Variants in CYP4Z1 observed in about 807,000 individuals in gnomAD.
The protein encoded by CYP4Z1 is cytochrome P450 4Z1.
In CYP4Z1, 41 loss-of-function variants were observed where a neutral mutation model predicts 54.2. That is an observed-to-expected ratio of 0.76 (90% CI 0.59 to 0.98). CYP4Z1 has a LOEUF of 0.98. CYP4Z1 is among the 50% of genes least tolerant of loss of function. The probability of loss-of-function intolerance (pLI) is 0.00; values close to 1 mark genes in which losing one functional copy is unlikely to be tolerated. For missense variants in CYP4Z1, 513 were observed against 599.0 expected (o/e 0.86, Z 1.50); for synonymous variants, 163 against 206.2 (o/e 0.79, Z 1.79).
the CYP4Z1 span, among the ~76,000 whole-genome samples, chr1:47,056,414 G>A: frequency 6.6e-6 from 1 of 152,140 alleles, no homozygotes; most frequent in Admixed American, 6.5e-5. Flanking sequence ...GGGGTGGAGA[G>A]TTCTGTAGAT....
In CYP4Z1 at chr1:47,084,653, C is replaced by T. The variant is rs375028977; in HGVS notation, c.526C>T (p.Arg176Cys). The T allele has an allele frequency of 1.6e-4, 254 of 1,606,790 alleles. No homozygotes were observed. Among genetic ancestry groups the T allele is most frequent in the Non-Finnish European group, 1.9e-4 (225 of 1,177,142 alleles). Residue 176 changes from arginine (R) to cysteine (C), a missense_variant, in exon 5 of 12, where the codon CGT becomes TGT. Arg to Cys is a radical substitution (Grantham distance 180). Transcript: ENST00000334194. ...GGAGGAACACATTGCCCAAAACTCA[C>T]GTCTGGAGCTCTTTCAACATGTCTC... The part of the protein sequence containing the change: ...KWEEHIAQNS[R>C]LELFQHVSLM...
chr1:47,089,849 C>T (rs1644626194), intron 6 of CYP4Z1, among the ~76,000 whole-genome samples: 1 of 152,274 alleles, frequency 6.6e-6, no homozygotes, highest in Admixed American at 6.5e-5. Flanking sequence ...GTCCAATGCC[C>T]CTTCACAGCA....
chr1:47,065,197 C>A (rs1446601508), upstream of CYP4Z1, among the ~76,000 whole-genome samples: 2 of 152,068 alleles, frequency 1.3e-5, no homozygotes, highest in Non-Finnish European at 2.9e-5. Flanking sequence ...CAGATATTAA[C>A]GAACATTCTA....
the CYP4Z1 span, among the ~76,000 whole-genome samples, chr1:47,057,347 T>A: frequency 0.16 from 5,176 of 32,732 alleles, 664 homozygotes; most frequent in East Asian, 0.43. Flanking sequence ...TATATATATA[T>A]ATATATATAT....
chr1:47,090,286 T>C (rs1420967151), intron 6 of CYP4Z1, among the ~76,000 whole-genome samples: 1 of 152,242 alleles, frequency 6.6e-6, no homozygotes, highest in African/African-American at 2.4e-5. Flanking sequence ...GACTAAATCT[T>C]TCCTGCAATT....
intron 6 of CYP4Z1, among the ~76,000 whole-genome samples, chr1:47,089,502 TTAA>T (rs1401974431): frequency 6.6e-6 from 1 of 152,084 alleles, no homozygotes; most frequent in African/African-American, 2.4e-5. Context: ...TACTTTTATG[TTAA>T]TGTTTCTGGT....
intron 9 of CYP4Z1, among the ~76,000 whole-genome samples, chr1:47,111,269 T>C (rs1247889460): frequency 3.9e-5 from 6 of 152,048 alleles, no homozygotes; most frequent in Admixed American, 3.9e-4. Flanking sequence ...CTGCAAACTC[T>C]GCCTCCCAGA....
intron 9 of CYP4Z1, among the ~76,000 whole-genome samples, chr1:47,114,229 G>A (rs1408611383): frequency 2.0e-5 from 3 of 152,130 alleles, no homozygotes; most frequent in Non-Finnish European, 4.4e-5. Flanking sequence ...TGCTAGGAAA[G>A]CTGGCTAGCC....
intron 2 of CYP4Z1, 88 bp downstream of exon 2, chr1:47,068,851 A>G: frequency 1.3e-6 from 2 of 1,496,940 alleles, no homozygotes; most frequent in Middle Eastern, 2.1e-4. Flanking sequence ...AGGTTGAAGC[A>G]TTTTTAAGGG....
At chr1:47,112,872 A>G (rs1366041499) in intron 9 of CYP4Z1, among the ~76,000 whole-genome samples, 1 of 152,174 alleles carries the variant, frequency 6.6e-6, no homozygotes, top group Non-Finnish European at 1.5e-5. Context: ...AACCCATATC[A>G]TCTCCACCCT....
At chr1:47,090,103 T>C (rs1210451741) in intron 6 of CYP4Z1, among the ~76,000 whole-genome samples, 1 of 152,252 alleles carries the variant, frequency 6.6e-6, no homozygotes, top group Non-Finnish European at 1.5e-5. Context: ...GTATTTACCA[T>C]ACAAAATCCT....
chr1:47,058,880 T>A, the CYP4Z1 span, among the ~76,000 whole-genome samples: 3 of 152,168 alleles, frequency 2.0e-5, no homozygotes, highest in Non-Finnish European at 4.4e-5. Flanking sequence ...TATTTAACTA[T>A]TTTTTGGTAG....
intron 2 of CYP4Z1, among the ~76,000 whole-genome samples, chr1:47,079,868 GGAGAGA>G (rs3066524): frequency 4.7e-5 from 5 of 106,092 alleles, no homozygotes; most frequent in African/African-American, 7.6e-5. Flanking sequence ...ATGGACAGAG[GGAGAGA>G]GAGAGAGAGA....
At chr1:47,087,449 T>C (rs1328874117) in intron 6 of CYP4Z1, among the ~76,000 whole-genome samples, 1 of 152,218 alleles carries the variant, frequency 6.6e-6, no homozygotes, top group Non-Finnish European at 1.5e-5. Flanking sequence ...TTTATTCTCT[T>C]TGAAGCAATT....
intron 7 of CYP4Z1, chr1:47,097,251 T>G (rs1036343959): frequency 2.0e-5 from 3 of 152,256 alleles, no homozygotes; most frequent in Admixed American, 1.3e-4. Context: ...TTTGCTATTG[T>G]GAATAGTGCT....
Position 47,096,154 on chromosome 1 carries a change from C to T in CYP4Z1, c.876+1485C>T, listed in dbSNP as rs61502427. ...TAATTTTCTGCTGAGCATGGTGGCTCATACCTGTAATCCAGCGACTCAGAA... is the reference window on the plus strand; with the variant it reads ...TAATTTTCTGCTGAGCATGGTGGCTTATACCTGTAATCCAGCGACTCAGAA... On this transcript the variant is annotated intron_variant, in intron 7 of 11. Coordinates refer to ENST00000334194, the MANE Select transcript of CYP4Z1 (RefSeq NM_178134.3). 6.3e-3 allele frequency among the ~76,000 whole-genome samples: 952 copies of T among 152,244 alleles called. 10 individuals are homozygous for T. The highest frequency in any genetic ancestry group is 0.021 in the African/African-American group (859 of 41,548).
In CYP4Z1 at chr1:47,106,139, G is replaced by C; in HGVS notation, c.1079G>C (p.Ser360Thr). 2.5e-6 allele frequency: 4 copies of C among 1,613,718 alleles called. No individual in the cohort carries two copies. In the South Asian group the frequency reaches 3.3e-5, roughly 13 times the overall value. ...GTGCTTCTACCCAGGGAACACCTGA[G>C]CCAGATGCCTTACACCACGATGTGC... ...DGSSITWEHL[S>T]QMPYTTMCIK... is the part of the protein sequence containing the mutation. The change falls in exon 9 of 12, where the codon AGC (serine) becomes ACC (threonine). Residue 360 changes from serine (S) to threonine (T), a missense_variant. Coordinates refer to ENST00000334194, the MANE Select transcript of CYP4Z1 (RefSeq NM_178134.3).
the CYP4Z1 span, among the ~76,000 whole-genome samples, chr1:47,056,801 G>A: frequency 6.6e-6 from 1 of 151,296 alleles, no homozygotes; most frequent in African/African-American, 2.4e-5. Context: ...CCTTTATTTT[G>A]AGCCTATGTG....
chr1:47,065,336 C>G (rs1476807908), upstream of CYP4Z1, among the ~76,000 whole-genome samples: 1 of 152,060 alleles, frequency 6.6e-6, no homozygotes, highest in African/African-American at 2.4e-5. Context: ...AGTACTCTCT[C>G]AAACCACAAT....
Sources: gnomAD v4.1 joint callset for allele counts (sites outside exome capture counted in the v4.1 genomes callset) on GRCh38, gnomAD v4.1.1 for gene constraint, MANE v1.5 for transcripts, NCBI Gene and HGNC (gene_info 2026-07-23, HGNC 2026-07-21) for gene names.